Variants in RGS17 observed in about 807,000 individuals in gnomAD.
RGS17 encodes the protein regulator of G-protein signaling 17.
Under a neutral mutation model 25.5 loss-of-function variants are expected in RGS17, and 12 were observed. The observed-to-expected ratio is 0.47, with a 90% CI of 0.30 to 0.76. The LOEUF (loss-of-function observed/expected upper bound fraction) is 0.76, where lower values mean the gene tolerates loss of function less well. Among genes scored for constraint, RGS17 ranks in the 30% least tolerant of loss-of-function variants. RGS17 has a pLI of 0.07. For synonymous variants in RGS17, 71 were observed against 76.9 expected, an observed-to-expected ratio of 0.92 and a Z score of 0.40; for missense variants, 196 against 242.2, an observed-to-expected ratio of 0.81 and a Z score of 1.27.
At chr6:153,060,025 A>G (rs943833765) in intron 1 of RGS17, among the ~76,000 whole-genome samples, 1 of 152,152 alleles carries the variant, frequency 6.6e-6, no homozygotes, top group African/African-American at 2.4e-5. Flanking sequence ...GTTACAGGTC[A>G]GGTCTCAGGT....
intron 1 of RGS17, among the ~76,000 whole-genome samples, chr6:153,085,830 T>C (rs920651883): frequency 9.2e-5 from 14 of 152,172 alleles, no homozygotes; most frequent in Non-Finnish European, 2.1e-4. Context: ...ATGTACCCAG[T>C]CTGCAAGTAT....
intron 1 of RGS17, among the ~76,000 whole-genome samples, chr6:153,074,234 G>A (rs1776846237): frequency 6.6e-6 from 1 of 152,116 alleles, no homozygotes. Flanking sequence ...AAAACTGATC[G>A]TGTTTTCTGT....
At chr6:153,046,546 G>A (rs1333759897) in intron 1 of RGS17, among the ~76,000 whole-genome samples, 1 of 151,572 alleles carries the variant, frequency 6.6e-6, no homozygotes, top group Non-Finnish European at 1.5e-5. Flanking sequence ...ACAAAAATTG[G>A]CAAATATGAA....
intron 2 of RGS17, among the ~76,000 whole-genome samples, chr6:153,033,280 A>G (rs1301011918): frequency 6.7e-6 from 1 of 149,116 alleles, no homozygotes; most frequent in African/African-American, 2.5e-5. Flanking sequence ...TCATTTACCA[A>G]GTAATTACAT....
At chr6:153,030,215 G>C (rs1779346323) in intron 2 of RGS17, among the ~76,000 whole-genome samples, 2 of 152,156 alleles carry the variant, frequency 1.3e-5, no homozygotes, top group Admixed American at 6.6e-5. Flanking sequence ...TGTTTACAGG[G>C]GAGTGTGGAC....
At chr6:153,079,721 G>GT (rs976884604) in intron 1 of RGS17, among the ~76,000 whole-genome samples, 153 of 151,752 alleles carry the variant, frequency 1.0e-3, no homozygotes, top group African/African-American at 3.5e-3. Context: ...TATTTTAAAG[G>GT]TTTTTTGTAT....
Position 153,024,349 on chromosome 6 carries a change from G to C in RGS17, c.357C>G (p.Asp119Glu). The change falls in exon 4 of 5, where the codon GAC becomes GAG. Residue 119 changes from aspartate (D) to glutamate (E), a missense_variant. By Grantham distance (45) the Asp-to-Glu change is conservative. Around this residue, in one of 2 missense-constraint regions of RGS17, gnomAD observed 179 missense variants for 197.6 expected, o/e 0.91. Coordinates refer to ENST00000206262, the MANE Select transcript of RGS17 (RefSeq NM_012419.5). ...ENLLFWLACEDLKKEQNKKVI... is the reference protein window; with the variant it reads ...ENLLFWLACEELKKEQNKKVI... Reference sequence around the variant, plus strand: ...CTTTTTTGTTCTGCTCCTTCTTTAAGTCTTCACAAGCAAGCCAGAAAAGTA... The same window carrying C: ...CTTTTTTGTTCTGCTCCTTCTTTAACTCTTCACAAGCAAGCCAGAAAAGTA... The C allele has an allele frequency of 6.2e-7, 1 of 1,614,056 alleles. No homozygotes were observed. Among genetic ancestry groups the C allele is most frequent in the South Asian group, 1.1e-5 (1 of 91,080 alleles).
chr6:153,120,092 A>G (rs4870165), intron 1 of RGS17, among the ~76,000 whole-genome samples: 5 of 152,216 alleles, frequency 3.3e-5, no homozygotes, highest in Admixed American at 3.3e-4. Flanking sequence ...GTTCAAAATA[A>G]CATTGCAATT....
At chr6:153,129,390 A>G (rs930172368) in intron 1 of RGS17, among the ~76,000 whole-genome samples, 1 of 152,212 alleles carries the variant, frequency 6.6e-6, no homozygotes, top group Non-Finnish European at 1.5e-5. Context: ...TATTTCTTGG[A>G]TAATACTCTC....
intron 1 of RGS17, among the ~76,000 whole-genome samples, chr6:153,060,329 T>C (rs1331763245): frequency 6.6e-6 from 1 of 152,206 alleles, no homozygotes; most frequent in East Asian, 1.9e-4. Flanking sequence ...CTGGCTTCTC[T>C]CACTGGACTC....
At chr6:153,120,617 G>A (rs903340186) in intron 1 of RGS17, among the ~76,000 whole-genome samples, 12 of 152,076 alleles carry the variant, frequency 7.9e-5, no homozygotes, top group South Asian at 2.1e-4. Context: ...CACAGCTCCC[G>A]CCCGGTAATC....
At position 153,130,070 on chromosome 6, in the gene RGS17, G is replaced by A. The variant is rs1370673062; in HGVS notation, c.-26+1054C>T. Among the ~76,000 whole-genome samples the A allele has an allele frequency of 6.6e-6, 1 of 152,110 alleles. No individual in the cohort carries two copies. Among genetic ancestry groups the A allele is most frequent in the Non-Finnish European group, 1.5e-5 (1 of 68,002 alleles). The stretch of plus-strand genomic sequence containing the variant: ...AAGGTGCCAGCAGCCTCGGGCTCGC[G>A]AGGAGCAGCTCCCACCCGCGGCTTC... On this transcript the variant is annotated intron_variant, in intron 1 of 4. Transcript: ENST00000206262. This position sits in a 1 kb window ranked among gnomAD's most constrained non-coding sequence, Gnocchi z 6.4.
intron 1 of RGS17, among the ~76,000 whole-genome samples, chr6:153,082,341 CAT>C (rs1776997700): frequency 2.0e-5 from 3 of 152,150 alleles, no homozygotes; most frequent in Non-Finnish European, 4.4e-5. Context: ...AGTTCAATTA[CAT>C]ATATGTTACA....
intron 2 of RGS17, among the ~76,000 whole-genome samples, chr6:153,037,171 AACACACAC>A (rs61117365): frequency 8.9e-4 from 130 of 145,346 alleles, no homozygotes; most frequent in African/African-American, 2.8e-3. Context: ...CTACCTTTAA[AACACACAC>A]ACACACACAC....
intron 2 of RGS17, among the ~76,000 whole-genome samples, chr6:153,035,461 A>G (rs748365926): frequency 5.3e-5 from 8 of 152,346 alleles, no homozygotes; most frequent in Admixed American, 6.5e-5. Context: ...TAGGTCTACC[A>G]CACCTAGACC....
chr6:153,053,976 TGTATATATGTATATAATA>T (rs1776504016), intron 1 of RGS17, among the ~76,000 whole-genome samples: 1 of 31,088 alleles, frequency 3.2e-5, no homozygotes, highest in Non-Finnish European at 6.0e-5. Flanking sequence ...TACATATATA[TGTATATATGTATATAATA>T]TATATACATA....
chr6:153,063,755 C>G (rs1776669258), intron 1 of RGS17, among the ~76,000 whole-genome samples: 1 of 151,898 alleles, frequency 6.6e-6, no homozygotes, highest in Admixed American at 6.6e-5. Flanking sequence ...TACAGAATAC[C>G]AAGTAGATTT....
intron 1 of RGS17, among the ~76,000 whole-genome samples, chr6:153,072,838 T>C (rs1776825066): frequency 2.2e-5 from 1 of 46,274 alleles, no homozygotes; most frequent in African/African-American, 1.6e-4. Context: ...AGGGAGCCTA[T>C]AAATTCAGCA....
chr6:153,029,574 CTTT>C (rs67471007), intron 2 of RGS17, among the ~76,000 whole-genome samples: 1 of 148,456 alleles, frequency 6.7e-6, no homozygotes, highest in African/African-American at 2.5e-5. Context: ...CATAGAGACA[CTTT>C]TTTTTTTCTT....
Sources: allele counts gnomAD v4.1 joint callset (sites outside exome capture counted in the v4.1 genomes callset), GRCh38; gene constraint gnomAD v4.1.1; regional missense constraint gnomAD v4.1.1; non-coding constraint Gnocchi (gnomAD v3.1); transcripts MANE v1.5; gene names NCBI Gene and HGNC (gene_info 2026-07-23, HGNC 2026-07-21).